Variants in MCUB observed in about 807,000 individuals in gnomAD.
MCUB encodes calcium uniporter regulatory subunit MCUb, mitochondrial.
In MCUB, 46 loss-of-function variants were observed where a neutral mutation model predicts 41.4. That is an observed-to-expected ratio of 1.11 (90% CI 0.88 to 1.42). The LOEUF is 1.42. Among genes scored for constraint, MCUB ranks in the 40% most tolerant of loss-of-function variants. MCUB has a pLI of 0.00. For missense variants in MCUB, 403 were observed against 404.9 expected (o/e 1.00, Z 0.04); for synonymous variants, 148 against 148.2 (o/e 1.00, Z 0.01).
chr4:109,646,885 T>C (rs1728850795), intron 1 of MCUB, among the ~76,000 whole-genome samples: 1 of 152,184 alleles, frequency 6.6e-6, no homozygotes, highest in South Asian at 2.1e-4. Flanking sequence ...CACTACTGTT[T>C]CTCATATTTT....
Position 109,685,322 on chromosome 4 carries a change from C to G in MCUB, c.888C>G (p.His296Gln). The G allele has an allele frequency of 6.3e-7, 1 of 1,588,362 alleles. No homozygotes were observed. The highest frequency in any genetic ancestry group is 1.7e-5 in the Admixed American group (1 of 59,950). Residue 296 changes from histidine to glutamine, a missense_variant, in exon 7 of 8, where the codon CAC becomes CAG. By Grantham distance (24) the His-to-Gln change is conservative. Transcript: ENST00000394650. ...QFFHKKSKQQ[H>Q]FDVQQYNKLK... ...TCCACAAGAAATCAAAGCAACAGCACTTTGATGTGCAGCAATACAACAAGT... is the reference window on the plus strand; with the variant it reads ...TCCACAAGAAATCAAAGCAACAGCAGTTTGATGTGCAGCAATACAACAAGT...
intron 1 of MCUB, among the ~76,000 whole-genome samples, chr4:109,620,603 T>G (rs1437019452): frequency 6.6e-6 from 1 of 151,582 alleles, no homozygotes; most frequent in African/African-American, 2.4e-5. Context: ...AAATTAGCAT[T>G]CAATTGTTAT....
chr4:109,625,519 A>T (rs1484153091), intron 1 of MCUB, among the ~76,000 whole-genome samples: 2 of 152,236 alleles, frequency 1.3e-5, no homozygotes, highest in Non-Finnish European at 2.9e-5. Flanking sequence ...GGCTAGTGTA[A>T]GCATGCTGAG....
intron 4 of MCUB, among the ~76,000 whole-genome samples, chr4:109,682,254 C>A (rs1462273838): frequency 6.6e-6 from 1 of 151,742 alleles, no homozygotes; most frequent in Non-Finnish European, 1.5e-5. Flanking sequence ...GAGAGCCTTT[C>A]TTGTAGCTGC....
chr4:109,653,127 A>G (rs1397749177), intron 1 of MCUB, among the ~76,000 whole-genome samples: 1 of 152,232 alleles, frequency 6.6e-6, no homozygotes, highest in African/African-American at 2.4e-5. Context: ...CTGTAATCCC[A>G]GCACTTTGGG....
intron 4 of MCUB, 28 bp downstream of exon 4, chr4:109,664,422 C>CT (rs11405576): frequency 0.37 from 222,970 of 610,254 alleles, 20,648 homozygotes; most frequent in African/African-American, 0.56. Context: ...CCAACTATTA[C>CT]TTTTTTTTTT....
intron 4 of MCUB, among the ~76,000 whole-genome samples, chr4:109,678,129 T>G (rs1196379918): frequency 6.6e-6 from 1 of 152,010 alleles, no homozygotes; most frequent in Non-Finnish European, 1.5e-5. Flanking sequence ...AGCACGGGGT[T>G]GGGGGTAAGG....
At chr4:109,635,264 C>T (rs764305059) in intron 1 of MCUB, among the ~76,000 whole-genome samples, 7 of 152,284 alleles carry the variant, frequency 4.6e-5, no homozygotes, top group African/African-American at 2.4e-5. Flanking sequence ...AATAAACATA[C>T]GTGTGCATGT....
chr4:109,564,423 A>C (rs1270806050), intron 1 of MCUB, among the ~76,000 whole-genome samples: 2 of 152,124 alleles, frequency 1.3e-5, no homozygotes, highest in Non-Finnish European at 2.9e-5. Flanking sequence ...CAAGCATGAG[A>C]CACTGCGCCC....
chr4:109,656,806 G>A (rs1729114198), intron 1 of MCUB, among the ~76,000 whole-genome samples: 1 of 152,170 alleles, frequency 6.6e-6, no homozygotes, highest in African/African-American at 2.4e-5. Flanking sequence ...AGACGGTATT[G>A]TAATATCCAT....
At chr4:109,574,010 T>A (rs754743888) in intron 1 of MCUB, among the ~76,000 whole-genome samples, 7 of 151,328 alleles carry the variant, frequency 4.6e-5, no homozygotes, top group Non-Finnish European at 8.8e-5. Flanking sequence ...GAAGCTAGGA[T>A]TACAGGCGCG....
chr4:109,598,396 C>A (rs574931342), intron 1 of MCUB, among the ~76,000 whole-genome samples: 2 of 152,166 alleles, frequency 1.3e-5, no homozygotes, highest in African/African-American at 2.4e-5. Flanking sequence ...AGCTGAAGAC[C>A]GGCCAGGCCA....
chr4:109,574,793 G>T (rs575919082), intron 1 of MCUB, among the ~76,000 whole-genome samples: 1 of 152,202 alleles, frequency 6.6e-6, no homozygotes, highest in East Asian at 1.9e-4. Context: ...AGACAGAGCC[G>T]GACTGGTCAA....
At chr4:109,623,827 C>CA (rs776883706) in intron 1 of MCUB, among the ~76,000 whole-genome samples, 5 of 151,336 alleles carry the variant, frequency 3.3e-5, no homozygotes, top group Non-Finnish European at 7.4e-5. Context: ...ATATTGTAAG[C>CA]AAAAAACGAC....
chr4:109,637,654 G>A (rs931552461), intron 1 of MCUB, among the ~76,000 whole-genome samples: 1 of 152,162 alleles, frequency 6.6e-6, no homozygotes, highest in Non-Finnish European at 1.5e-5. Flanking sequence ...CTCAGGAATG[G>A]AAAACCAAAC....
chr4:109,670,391 A>G (rs1248932877), intron 4 of MCUB, among the ~76,000 whole-genome samples: 1 of 151,978 alleles, frequency 6.6e-6, no homozygotes, highest in East Asian at 1.9e-4. Flanking sequence ...GCTCTGGGAA[A>G]ATAATTTACC....
intron 1 of MCUB, among the ~76,000 whole-genome samples, chr4:109,623,214 C>T (rs181482849): frequency 3.9e-5 from 6 of 152,226 alleles, no homozygotes; most frequent in East Asian, 1.9e-4. Context: ...TCCACTGTCA[C>T]GAAGAAAAGA....
At chr4:109,626,251 T>C (rs1018123298) in intron 1 of MCUB, among the ~76,000 whole-genome samples, 7 of 152,166 alleles carry the variant, frequency 4.6e-5, no homozygotes, top group Admixed American at 2.0e-4. Flanking sequence ...TGGAAGATTT[T>C]TCTGGCAGAG....
rs772905686 is a variant in MCUB, at chr4:109,587,373, C to T, written c.99+26937C>T. Among the ~76,000 whole-genome samples the T allele has an allele frequency of 3.2e-4, 49 of 152,216 alleles. 1 individual carries two copies. Among genetic ancestry groups the T allele is most frequent in the Admixed American group, 1.3e-4 (2 of 15,282 alleles). On this transcript the variant is annotated intron_variant, in intron 1 of 7. Transcript: ENST00000394650. ...TCTGGGTACCGTCTGTCACGGCTTC[C>T]GTTGACTAGGAAAGGGAAATCCCCT...
Sources: gnomAD v4.1 joint callset for allele counts (sites outside exome capture counted in the v4.1 genomes callset) on GRCh38, gnomAD v4.1.1 for gene constraint, MANE v1.5 for transcripts, NCBI Gene and HGNC (gene_info 2026-07-23, HGNC 2026-07-21) for gene names.